KAT2A: variants seen among roughly 807,000 people sequenced by gnomAD.
The protein encoded by KAT2A is lysine acetyltransferase 2A, also known as histone acetyltransferase KAT2A.
KAT2A carries 42 observed loss-of-function variants against 95.2 expected under a neutral mutation model. That is an observed-to-expected ratio of 0.44 (90% CI 0.34 to 0.57). The LOEUF is 0.57. Among genes scored for constraint, KAT2A ranks in the 20% least tolerant of loss-of-function variants. The probability of loss-of-function intolerance (pLI) is 0.01; values close to 1 mark genes in which losing one functional copy is unlikely to be tolerated. For missense variants in KAT2A, 784 were observed against 1,126.3 expected (o/e 0.70, Z 4.35); for synonymous variants, 449 against 448.2 (o/e 1.00, Z -0.02).
At position 42,120,234 on chromosome 17, in the gene KAT2A, G is replaced by A; in HGVS notation, c.600C>T (p.Tyr200=). 3.7e-6 allele frequency: 6 copies of A among 1,614,228 alleles called. No homozygotes were observed. The highest frequency in any genetic ancestry group is 3.4e-6 in the Non-Finnish European group (4 of 1,180,032). The change falls in exon 3 of 18, where the codon TAC becomes TAT. Residue 200 remains tyrosine, a synonymous_variant. Transcript: ENST00000225916. ...EDTDTKQVYF[Y]LFKLLRKCIL... ...TTTAGTGGAAGCTCACCTTGAAGAGGTAGAAATAGACCTGCTTGGTGTCTG... is the reference window on the plus strand; with the variant it reads ...TTTAGTGGAAGCTCACCTTGAAGAGATAGAAATAGACCTGCTTGGTGTCTG...
intron 2 of KAT2A, 32 bp downstream of exon 2, chr17:42,120,673 TG>T (rs1568013387): frequency 6.2e-7 from 1 of 1,612,688 alleles, no homozygotes; most frequent in Non-Finnish European, 8.5e-7. Flanking sequence ...ACCCAGCACC[TG>T]CCCCCAGCTC....
At position 42,117,727 on chromosome 17, in the gene KAT2A, T is replaced by C. The variant is rs903845358; in HGVS notation, c.1379A>G (p.Asn460Ser). ...GTCAGTGATGGTCAGCATGACCTCA[T>C]TGACCAGCTCCATGGGGATGTCACC... ...VMGDIPMELV[N>S]EVMLTITDPA... Residue 460 changes from asparagine (N) to serine (S), a missense_variant, in exon 9 of 18, where the codon AAT becomes AGT. Asn to Ser is a conservative substitution (Grantham distance 46). This residue lies in a region of KAT2A where 174 missense variants were observed against 324.9 expected (regional missense o/e 0.54). Coordinates refer to ENST00000225916, the MANE Select transcript of KAT2A (RefSeq NM_021078.3). This position sits in a 1 kb window ranked among gnomAD's most constrained non-coding sequence, Gnocchi z 8.9. The C allele has an allele frequency of 8.7e-6, 14 of 1,613,816 alleles. No individual in the cohort carries two copies. Among genetic ancestry groups the C allele is most frequent in the African/African-American group, 5.3e-5 (4 of 75,050 alleles).
chr17:42,120,891 G>A lies in KAT2A; in HGVS notation c.340-62C>T, dbSNP rs2054326932. 7.0e-6 allele frequency: 11 copies of A among 1,564,092 alleles called. No homozygotes were observed. The South Asian group carries it at 1.3e-4, about 18-fold the overall frequency. On this transcript the variant is annotated intron_variant, in intron 1 of 17. Transcript: ENST00000225916. ...TGGGGCAAGAGCCGCTCCGCAGCCA[G>A]AGCTTTGACCCCATTCCCACCAGAG...
intron 6 of KAT2A, among the ~76,000 whole-genome samples, chr17:42,118,651 T>C (rs2054295626): frequency 6.6e-6 from 1 of 152,170 alleles, no homozygotes; most frequent in Non-Finnish European, 1.5e-5. Flanking sequence ...AGGTCTGAGC[T>C]GATGTCATCC....
rs2054280880 is a variant in KAT2A, at chr17:42,117,858, G to A, written c.1292-44C>T. On this transcript the variant is annotated intron_variant, in intron 8 of 17. Transcript: ENST00000225916. This position sits in a 1 kb window ranked among gnomAD's most constrained non-coding sequence, Gnocchi z 8.9. ...AGGTTGCTCAGGATCAGTAAAAAAG[G>A]TTTGGGAAGGAGTGAATGAGGGTCA... is the stretch of plus-strand genomic sequence containing the variant. 2 of 1,608,584 alleles carry A rather than the reference G, an allele frequency of 1.2e-6. No individual in the cohort carries two copies. The highest frequency in any genetic ancestry group is 1.7e-6 in the Non-Finnish European group (2 of 1,176,156).
intron 2 of KAT2A, 79 bp downstream of exon 2, chr17:42,120,627 G>T (rs1034628960): frequency 1.9e-6 from 3 of 1,575,702 alleles, no homozygotes; most frequent in African/African-American, 1.3e-5. Flanking sequence ...TTTCAGAGAT[G>T]AAGCTTTGTG....
At chr17:42,115,186 T>C in intron 12 of KAT2A, 151 bp from the exon 13 acceptor site, 2 of 825,288 alleles carry the variant, frequency 2.4e-6, no homozygotes, top group Non-Finnish European at 3.9e-6. Context: ...GTTCAAACTG[T>C]CCCTGGAAAG....
rs1468643299 is a variant in KAT2A at position 42,121,299 on chromosome 17, C to A, written c.6G>T (p.Ala2=). 8.4e-5 allele frequency: 115 copies of A among 1,370,282 alleles called. No homozygotes were observed. The highest frequency in any genetic ancestry group is 1.0e-4 in the Non-Finnish European group (112 of 1,069,656). 84.9% of individuals were successfully genotyped at this position (1,370,282 alleles called of 1,614,324 possible). The change falls in exon 1 of 18, where the codon GCG becomes GCT. Residue 2 remains alanine, a synonymous_variant. Transcript: ENST00000225916. M[A]EPSQAPTPAP... ...CCGGGGTCGGGGCCTGGGAAGGTTC[C>A]GCCATGGCCTCCCCCGCAGCGGAGA... is the stretch of plus-strand genomic sequence containing the variant.
In KAT2A at chr17:42,114,722, T is replaced by TC; in HGVS notation, c.2020-119dup. 8.6e-7 allele frequency: 1 copy of TC among 1,157,230 alleles called. No individual in the cohort carries two copies. Among genetic ancestry groups the TC allele is most frequent in the Non-Finnish European group, 1.3e-6 (1 of 796,014 alleles). The allele number at this position is 1,157,230 out of a possible 1,614,324, so 71.7% of individuals were successfully genotyped here. On this transcript the variant is annotated intron_variant, in intron 13 of 17. Coordinates refer to ENST00000225916, the MANE Select transcript of KAT2A (RefSeq NM_021078.3). The surrounding 1 kb of genome is among the most constrained non-coding windows in gnomAD (Gnocchi z 6.0). ...CTGCAACGCCACCTAATCCAGCACCTCCCCTCATAACTTCCCCAAGGGAGC... is the reference window on the plus strand; with the variant it reads ...CTGCAACGCCACCTAATCCAGCACCTCCCCCTCATAACTTCCCCAAGGGAGC...
intron 17 of KAT2A, 48 bp downstream of exon 17, chr17:42,113,952 G>T (rs1366272001): frequency 6.7e-6 from 10 of 1,486,780 alleles, no homozygotes; most frequent in Middle Eastern, 1.8e-4. Context: ...GCAGGAGCAG[G>T]TGTGGGGACA....
At chr17:42,115,138 C>T (rs1456996251) in intron 12 of KAT2A, 103 bp from the exon 13 acceptor site, 1 of 1,186,168 alleles carries the variant, frequency 8.4e-7, no homozygotes, top group Non-Finnish European at 1.2e-6. Context: ...CCACTTGCCA[C>T]CTCCTGCTCC....
rs2285657 is a variant in KAT2A, at chr17:42,120,576, C to A, written c.463+130G>T. 0.25 allele frequency: 281,732 copies of A among 1,134,236 alleles called. 44,070 individuals carry two copies. The highest frequency in any genetic ancestry group is 0.7 in the African/African-American group (44,823 of 63,868). 70.3% of individuals were successfully genotyped at this position (1,134,236 alleles called of 1,614,324 possible). On this transcript the variant is annotated intron_variant, in intron 2 of 17. Transcript: ENST00000225916. ...TCCTTTCTCCCCCCTTGGTGCACACCCCCCCCCAACCCAATCCCTCCTTCG... is the reference window on the plus strand; with the variant it reads ...TCCTTTCTCCCCCCTTGGTGCACACACCCCCCCAACCCAATCCCTCCTTCG...
At chr17:42,118,621 G>A (rs114132823) in intron 6 of KAT2A, among the ~76,000 whole-genome samples, 34 of 152,308 alleles carry the variant, frequency 2.2e-4, no homozygotes, top group African/African-American at 7.9e-4. Flanking sequence ...GTTTCACCAC[G>A]CTGTGTGGCA....
rs2054232907 is a variant in KAT2A at position 42,114,912 on chromosome 17, T to C, written c.1999A>G (p.Ile667Val). ...PRIPYTELSHIIKKQKEIIKK... is the reference protein window; with the variant it reads ...PRIPYTELSHVIKKQKEIIKK... ...ACCACCTCTTTCTGCTTCTTGATGA[T>C]GTGGGACAGCTCCGTGTAGGGGATG... Residue 667 changes from isoleucine (I) to valine (V), a missense_variant, in exon 13 of 18, where the codon ATC (isoleucine) becomes GTC (valine). Ile to Val is a conservative substitution (Grantham distance 29). This residue lies in a region of KAT2A where 195 missense variants were observed against 247.1 expected (regional missense o/e 0.79). Coordinates refer to ENST00000225916, the MANE Select transcript of KAT2A (RefSeq NM_021078.3). This position sits in a 1 kb window ranked among gnomAD's most constrained non-coding sequence, Gnocchi z 6.0. 6.2e-7 allele frequency: 1 copy of C among 1,613,976 alleles called. No individual in the cohort carries two copies. The highest frequency in any genetic ancestry group is 1.7e-5 in the Admixed American group (1 of 59,990).
At position 42,115,027 on chromosome 17, in the gene KAT2A, G is replaced by A; in HGVS notation, c.1884C>T (p.Ser628=). 1 of 1,613,718 alleles carries A rather than the reference G, an allele frequency of 6.2e-7. No homozygotes were observed. Among genetic ancestry groups the A allele is most frequent in the Non-Finnish European group, 8.5e-7 (1 of 1,179,856 alleles). The change falls in exon 13 of 18, where the codon TCC becomes TCT. Residue 628 remains serine (S), a synonymous_variant. Coordinates refer to ENST00000225916, the MANE Select transcript of KAT2A (RefSeq NM_021078.3). The part of the protein sequence containing the change: ...AIGYFKKQGF[S]KDIKVPKSRY... ...GGCTCTTGGGCACCTTGATGTCCTT[G>A]GAGAAACCCTGGGGGGTGGATGGTC...
chr17:42,118,220 G>C (rs2074164), intron 7 of KAT2A, 77 bp downstream of exon 7: 256,509 of 1,180,204 alleles, frequency 0.22, 39,795 homozygotes, highest in African/African-American at 0.77. Context: ...TCCGGCCCAG[G>C]TGAGCTCTCT....
In KAT2A at chr17:42,119,424, G is replaced by A; in HGVS notation, c.894C>T (p.Tyr298=). ...TATCACAGCTCTGGGGCACGTGGCA[G>A]TAACAGAGCCATCTGGAGTAGGGGG... is the stretch of plus-strand genomic sequence containing the variant. ...YKVNYTRWLC[Y]CHVPQSCDSL... The change falls in exon 6 of 18, where the codon TAC becomes TAT. Residue 298 remains tyrosine (Y), a synonymous_variant. Transcript: ENST00000225916. This position sits in a 1 kb window ranked among gnomAD's most constrained non-coding sequence, Gnocchi z 5.3. The A allele has an allele frequency of 1.2e-6, 2 of 1,611,660 alleles. No individual in the cohort carries two copies. Among genetic ancestry groups the A allele is most frequent in the Admixed American group, 1.7e-5 (1 of 59,876 alleles).
Position 42,117,895 on chromosome 17 carries a change from TC to T in KAT2A, c.1291+11del. On this transcript the variant is annotated intron_variant, in intron 8 of 17. Coordinates refer to ENST00000225916, the MANE Select transcript of KAT2A (RefSeq NM_021078.3). This position sits in a 1 kb window ranked among gnomAD's most constrained non-coding sequence, Gnocchi z 8.9. ...GTGAATGAGGGTCAGAGGTCAGGGG[TC>T]AAGTATCCACCTGGCATAGGCTCGG... 6.3e-7 allele frequency: 1 copy of T among 1,597,472 alleles called. No homozygotes were observed. The highest frequency in any genetic ancestry group is 1.1e-5 in the South Asian group (1 of 89,622).
In KAT2A at chr17:42,114,565, G is replaced by A. The variant is rs1448132798; in HGVS notation, c.2059C>T (p.Arg687Cys). The A allele has an allele frequency of 1.1e-5, 17 of 1,613,900 alleles. No individual in the cohort carries two copies. Among genetic ancestry groups the A allele is most frequent in the Non-Finnish European group, 1.4e-5 (16 of 1,179,996 alleles). ...KLIERKQAQI[R>C]KVYPGLSCFK... ...CAGCTGAGCCCCGGGTAGACCTTGC[G>A]GATCTGGGCCTGTTTGCGCTCAATC... Residue 687 changes from arginine to cysteine, a missense_variant, in exon 14 of 18, where the codon CGC becomes TGC. Physicochemically the swap from Arg to Cys is radical, Grantham distance 180. Around this residue, in one of 6 missense-constraint regions of KAT2A, gnomAD observed 195 missense variants for 247.1 expected, o/e 0.79. Coordinates refer to ENST00000225916, the MANE Select transcript of KAT2A (RefSeq NM_021078.3). The surrounding 1 kb of genome is among the most constrained non-coding windows in gnomAD (Gnocchi z 6.0).
Sources: gnomAD v4.1 joint callset for allele counts (sites outside exome capture counted in the v4.1 genomes callset) on GRCh38, gnomAD v4.1.1 for gene constraint, gnomAD v4.1.1 regional missense constraint, Gnocchi (gnomAD v3.1) non-coding constraint, MANE v1.5 for transcripts, NCBI Gene and HGNC (gene_info 2026-07-23, HGNC 2026-07-21) for gene names.